The following PTPRD variants were observed in gnomAD, a reference collection of about 807,000 sequenced individuals.
The protein encoded by PTPRD is receptor-type tyrosine-protein phosphatase delta.
A neutral mutation model predicts 214.5 loss-of-function variants in PTPRD; 34 were observed. The ratio of observed to expected loss-of-function variants is 0.16; its 90% CI spans 0.12 to 0.21. The LOEUF (loss-of-function observed/expected upper bound fraction) is 0.21. Among genes scored for constraint, PTPRD ranks in the 10% least tolerant of loss-of-function variants. The pLI, the probability that PTPRD is intolerant of heterozygous loss-of-function variation, is 1.00. For synonymous variants in PTPRD, 1,128 were observed against 845.7 expected, an observed-to-expected ratio of 1.33 and a Z score of -5.79; for missense variants, 2,545 against 2,398.7, an observed-to-expected ratio of 1.06 and a Z score of -1.27.
intron 3 of PTPRD, among the ~76,000 whole-genome samples, chr9:10,313,991 TGGA>T (rs1044190353): frequency 1.3e-5 from 2 of 151,946 alleles, no homozygotes; most frequent in African/African-American, 4.8e-5. Context: ...CTTTAAGCTG[TGGA>T]GATTTAATAA....
At chr9:10,609,002 C>T (rs891572300) in intron 2 of PTPRD, among the ~76,000 whole-genome samples, 2 of 152,060 alleles carry the variant, frequency 1.3e-5, no homozygotes, top group African/African-American at 4.8e-5. Context: ...TGGCATTGAA[C>T]TGGGTACAAA....
chr9:9,772,356 T>C (rs575454094), intron 5 of PTPRD, among the ~76,000 whole-genome samples: 1 of 152,322 alleles, frequency 6.6e-6, no homozygotes, highest in Admixed American at 6.5e-5. Context: ...CAGGGTGTGG[T>C]ACTTTTCTAT....
intron 34 of PTPRD, among the ~76,000 whole-genome samples, chr9:8,442,198 T>C (rs544795335): frequency 2.6e-5 from 4 of 152,372 alleles, no homozygotes; most frequent in African/African-American, 4.8e-5. Context: ...GAATGCTATT[T>C]GGCAGAATAT....
chr9:10,217,484 C>G (rs2099546910), intron 3 of PTPRD, among the ~76,000 whole-genome samples: 1 of 151,876 alleles, frequency 6.6e-6, no homozygotes, highest in Non-Finnish European at 1.5e-5. Flanking sequence ...TTAACCTTTT[C>G]TCAGCATAGT....
chr9:8,444,462 A>G (rs1470486613), intron 34 of PTPRD, among the ~76,000 whole-genome samples: 1 of 152,118 alleles, frequency 6.6e-6, no homozygotes, highest in Non-Finnish European at 1.5e-5. Flanking sequence ...ATGAAACTCT[A>G]TATGGCAGAT....
At chr9:9,022,432 T>C (rs2099573083) in intron 10 of PTPRD, among the ~76,000 whole-genome samples, 1 of 152,144 alleles carries the variant, frequency 6.6e-6, no homozygotes, top group Non-Finnish European at 1.5e-5. Context: ...TACCTTTTCC[T>C]TGTTTAGTTA....
At chr9:8,492,603 C>G (rs933235189) in intron 27 of PTPRD, among the ~76,000 whole-genome samples, 3 of 120,488 alleles carry the variant, frequency 2.5e-5, no homozygotes, top group Non-Finnish European at 4.8e-5. Flanking sequence ...GCCTGACACA[C>G]AGAAGGTGCT....
At chr9:10,466,990 G>A (rs555647806) in intron 2 of PTPRD, among the ~76,000 whole-genome samples, 3 of 152,184 alleles carry the variant, frequency 2.0e-5, no homozygotes, top group Non-Finnish European at 4.4e-5. Context: ...CAAATACTAT[G>A]AGCATATTAG....
intron 9 of PTPRD, among the ~76,000 whole-genome samples, chr9:9,263,617 C>A (rs547695264): frequency 2.6e-5 from 4 of 151,712 alleles, no homozygotes; most frequent in African/African-American, 9.6e-5. Context: ...AATTAATATG[C>A]CCTTCCTTTC....
chr9:8,737,754 G>T (rs144874989), intron 11 of PTPRD, among the ~76,000 whole-genome samples: 1 of 152,106 alleles, frequency 6.6e-6, no homozygotes, highest in African/African-American at 2.4e-5. Flanking sequence ...CAGTTCAAGC[G>T]ATTCTCCTGC....
At chr9:10,104,238 G>A (rs973610121) in intron 3 of PTPRD, among the ~76,000 whole-genome samples, 4 of 151,716 alleles carry the variant, frequency 2.6e-5, no homozygotes, top group Non-Finnish European at 5.9e-5. Context: ...TTCTGGAGAT[G>A]GATGGTGGTG....
At position 8,786,136 on chromosome 9, in the gene PTPRD, G is replaced by A. The variant is rs114817453; in HGVS notation, c.-103-52190C>T. The stretch of plus-strand genomic sequence containing the variant: ...CTGACCCAGAATATGAACAAGGTAG[G>A]GTGGGAGGGATTCAGCATTACTATG... On this transcript the variant is annotated intron_variant, in intron 11 of 45. Coordinates refer to ENST00000381196, the MANE Select transcript of PTPRD (RefSeq NM_002839.4). Among the ~76,000 whole-genome samples the A allele has an allele frequency of 8.6e-3, 1,304 of 151,934 alleles. 19 individuals carry two copies. Among genetic ancestry groups the A allele is most frequent in the African/African-American group, 0.029 (1,214 of 41,428 alleles).
At chr9:9,507,475 A>G (rs977344202) in intron 8 of PTPRD, among the ~76,000 whole-genome samples, 2 of 151,336 alleles carry the variant, frequency 1.3e-5, no homozygotes, top group Admixed American at 1.3e-4. Flanking sequence ...TCAGCTGAAA[A>G]TAACCTGGAA....
intron 8 of PTPRD, among the ~76,000 whole-genome samples, chr9:9,427,135 A>G (rs1175192282): frequency 6.6e-6 from 1 of 152,192 alleles, no homozygotes; most frequent in African/African-American, 2.4e-5. Flanking sequence ...AGGATGTTTG[A>G]ACCCGTTACA....
At chr9:9,398,527 T>C (rs1251144776) in intron 8 of PTPRD, among the ~76,000 whole-genome samples, 2 of 152,010 alleles carry the variant, frequency 1.3e-5, no homozygotes, top group Admixed American at 6.6e-5. Context: ...GCAATTTCCA[T>C]TGCAGTTTCT....
chr9:9,689,854 T>G (rs747543837), intron 7 of PTPRD, among the ~76,000 whole-genome samples: 1 of 151,916 alleles, frequency 6.6e-6, no homozygotes, highest in African/African-American at 2.4e-5. Flanking sequence ...TCATTATGTA[T>G]GTACACATTT....
intron 2 of PTPRD, among the ~76,000 whole-genome samples, chr9:10,397,255 CT>C (rs1175949170): frequency 1.3e-5 from 2 of 152,036 alleles, no homozygotes; most frequent in African/African-American, 4.8e-5. Flanking sequence ...ATTAACTACT[CT>C]ATGTTGCAGT....
At chr9:8,581,620 T>C (rs1000825933) in intron 14 of PTPRD, among the ~76,000 whole-genome samples, 1 of 152,114 alleles carries the variant, frequency 6.6e-6, no homozygotes, top group South Asian at 2.1e-4. Flanking sequence ...TGGTGGCAGA[T>C]GCCTGTAGTC....
At chr9:8,686,557 G>T (rs758262710) in intron 12 of PTPRD, among the ~76,000 whole-genome samples, 27 of 152,112 alleles carry the variant, frequency 1.8e-4, no homozygotes, top group Non-Finnish European at 3.4e-4. Flanking sequence ...GTAGGTAATA[G>T]CTCCATTTTA....
Sources: allele counts gnomAD v4.1 joint callset (sites outside exome capture counted in the v4.1 genomes callset), GRCh38; gene constraint gnomAD v4.1.1; transcripts MANE v1.5; gene names NCBI Gene and HGNC (gene_info 2026-07-23, HGNC 2026-07-21).